Variants in ZFHX3 observed in about 807,000 individuals in gnomAD.
ZFHX3 encodes the protein zinc finger homeobox 3, also known as zinc finger homeobox protein 3.
In ZFHX3, 42 loss-of-function variants were observed where a neutral mutation model predicts 279.1. The observed-to-expected ratio is 0.15, with a 90% confidence interval of 0.12 to 0.19. The LOEUF (loss-of-function observed/expected upper bound fraction) is 0.19, where lower values mean the gene tolerates loss of function less well. Ranked by LOEUF, ZFHX3 falls within the 10% of genes least tolerant of loss-of-function variation. ZFHX3 has a pLI of 1.00. For synonymous variants in ZFHX3, 2,293 were observed against 1,957.8 expected, an observed-to-expected ratio of 1.17 and a Z score of -4.52; for missense variants, 4,981 against 4,754.0, an observed-to-expected ratio of 1.05 and a Z score of -1.40.
chr16:73,528,785 T>C lies in ZFHX3; in HGVS notation c.-1546-72527A>G, dbSNP rs116647391. 6.3e-3 allele frequency among the ~76,000 whole-genome samples: 967 copies of C among 152,356 alleles called. 11 individuals carry two copies. Among genetic ancestry groups the C allele is most frequent in the African/African-American group, 0.022 (918 of 41,578 alleles). On this transcript the variant is annotated intron_variant, in intron 2 of 17. Coordinates refer to the ZFHX3 transcript ENST00000641206. ...GAAGCACAGTATCAGGATGGAGTTA[T>C]GGTCTGTAGCCAGAGAACCAAGGTA...
At chr16:73,067,227 C>T (rs534374773) in intron 8 of ZFHX3, among the ~76,000 whole-genome samples, 4 of 152,274 alleles carry the variant, frequency 2.6e-5, no homozygotes, top group South Asian at 2.1e-4. Flanking sequence ...AGATTTGAGC[C>T]GACCCCTCTT....
At chr16:73,644,771 A>T (rs2052603756) in intron 2 of ZFHX3, among the ~76,000 whole-genome samples, 1 of 151,810 alleles carries the variant, frequency 6.6e-6, no homozygotes, top group African/African-American at 2.4e-5. Flanking sequence ...AGCACCCTCA[A>T]CTCCTCCAAA....
At chr16:73,220,516 A>G (rs889619891) in intron 5 of ZFHX3, among the ~76,000 whole-genome samples, 5 of 152,208 alleles carry the variant, frequency 3.3e-5, no homozygotes, top group East Asian at 1.9e-4. Flanking sequence ...AGGCCTTCTC[A>G]GAGGCTTTAA....
intron 3 of ZFHX3, among the ~76,000 whole-genome samples, chr16:73,360,029 C>T (rs2016410073): frequency 1.3e-5 from 2 of 152,100 alleles, no homozygotes. Context: ...GAGTGCACAG[C>T]TTTGAAGGCA....
At chr16:72,811,502 A>C in intron 7 of ZFHX3, 75 bp downstream of exon 7, 1 of 1,364,196 alleles carries the variant, frequency 7.3e-7, no homozygotes, top group Non-Finnish European at 9.9e-7. Flanking sequence ...CCAATAATAC[A>C]GTATCTTGCC....
intron 2 of ZFHX3, among the ~76,000 whole-genome samples, chr16:73,591,692 C>CAAAAA (rs57402211): frequency 0.016 from 531 of 32,812 alleles, 2 homozygotes; most frequent in Non-Finnish European, 0.019. Context: ...GACTCTGTCT[C>CAAAAA]AAAAAAAAAA....
At chr16:73,100,658 C>T (rs1007008604) in intron 7 of ZFHX3, among the ~76,000 whole-genome samples, 3 of 151,806 alleles carry the variant, frequency 2.0e-5, no homozygotes, top group Non-Finnish European at 4.4e-5. Context: ...TGCCTCACTA[C>T]CACCTCTGCC....
intron 3 of ZFHX3, among the ~76,000 whole-genome samples, chr16:73,346,543 C>T (rs2016127257): frequency 6.6e-6 from 1 of 151,920 alleles, no homozygotes; most frequent in East Asian, 1.9e-4. Context: ...GCGATCTCGG[C>T]TCACTGCAAC....
intron 2 of ZFHX3, among the ~76,000 whole-genome samples, chr16:73,557,354 G>T (rs551135148): frequency 1.3e-5 from 2 of 152,242 alleles, no homozygotes; most frequent in African/African-American, 4.8e-5. Context: ...TCCGGACCCA[G>T]ACCTCAAGAG....
chr16:73,778,936 A>G (rs932214501), intron 1 of ZFHX3, among the ~76,000 whole-genome samples: 1 of 152,232 alleles, frequency 6.6e-6, no homozygotes, highest in Non-Finnish European at 1.5e-5. Flanking sequence ...TAAGTTTCTA[A>G]ATGGAAAATG....
intron 1 of ZFHX3, among the ~76,000 whole-genome samples, chr16:73,766,954 G>C (rs1158182343): frequency 7.8e-6 from 1 of 128,242 alleles, no homozygotes; most frequent in Non-Finnish European, 1.6e-5. Context: ...TTTTTTTTCC[G>C]AGATGGAGTC....
In ZFHX3 at chr16:72,958,677, CCCTCGTCTTCCTCCT is replaced by C. The variant is rs750921377; in HGVS notation, c.1454_1468del (p.Glu485_Glu489del). 1.1e-5 allele frequency: 18 copies of C among 1,611,186 alleles called. No homozygotes were observed. The East Asian group carries it at 3.8e-4, about 34-fold the overall frequency. The stretch of plus-strand genomic sequence containing the variant: ...CTCGCTTGGAAAGAGTCCTTTGCAA[CCCTCGTCTTCCTCCT>C]CCTCTTCTTCCTCCTCCTCTTCTTC... On this transcript the variant is annotated inframe_deletion, in exon 2 of 10. Coordinates refer to ENST00000268489, the MANE Select transcript of ZFHX3 (RefSeq NM_006885.4).
rs1961226510 is a variant in ZFHX3 at position 72,955,794 on chromosome 16, A to AC, written c.2719+1632_2719+1633insG. On this transcript the variant is annotated intron_variant, in intron 2 of 9. Coordinates refer to ENST00000268489, the MANE Select transcript of ZFHX3 (RefSeq NM_006885.4). The stretch of plus-strand genomic sequence containing the variant: ...TCTGTCTCAAAAAAAAAAAAAAAAA[A>AC]ACCCTCACTTTGACCCAACATGAAC... Among the ~76,000 whole-genome samples the AC allele has an allele frequency of 4.0e-5, 6 of 151,634 alleles. No homozygotes were observed. The East Asian group carries it at 1.2e-3, about 29-fold the overall frequency.
chr16:72,960,393 G>T (rs985637499), intron 1 of ZFHX3, among the ~76,000 whole-genome samples, 199 bp from the exon 2 acceptor site: 1 of 152,160 alleles, frequency 6.6e-6, no homozygotes, highest in Admixed American at 6.5e-5. Context: ...TGGCATGGCC[G>T]GGTCAACAGC....
At chr16:73,779,251 A>C (rs1959368692) in intron 1 of ZFHX3, among the ~76,000 whole-genome samples, 1 of 152,192 alleles carries the variant, frequency 6.6e-6, no homozygotes, top group African/African-American at 2.4e-5. Context: ...ACATTCAAAG[A>C]CCACCACAGT....
At chr16:73,769,484 C>T (rs898988574) in intron 1 of ZFHX3, among the ~76,000 whole-genome samples, 1 of 152,010 alleles carries the variant, frequency 6.6e-6, no homozygotes, top group Non-Finnish European at 1.5e-5. Flanking sequence ...TTAATAGTAC[C>T]ATGCTACCAT....
intron 8 of ZFHX3, among the ~76,000 whole-genome samples, chr16:73,084,114 C>T (rs950031634): frequency 1.3e-5 from 2 of 152,206 alleles, no homozygotes; most frequent in Non-Finnish European, 2.9e-5. Context: ...AAGGAATTAT[C>T]TGGCTCAAAA....
chr16:73,091,539 T>C (rs1488355041), intron 8 of ZFHX3, among the ~76,000 whole-genome samples: 1 of 152,156 alleles, frequency 6.6e-6, no homozygotes. Context: ...TGTCAAATGG[T>C]CCCTAGCATC....
At chr16:73,632,258 T>C (rs996623323) in intron 2 of ZFHX3, among the ~76,000 whole-genome samples, 1 of 152,140 alleles carries the variant, frequency 6.6e-6, no homozygotes, top group Non-Finnish European at 1.5e-5. Context: ...ACCCTTGAAG[T>C]GGTTATATTA....
Sources: allele counts gnomAD v4.1 joint callset (sites outside exome capture counted in the v4.1 genomes callset), GRCh38; gene constraint gnomAD v4.1.1; transcripts MANE v1.5; gene names NCBI Gene and HGNC (gene_info 2026-07-23, HGNC 2026-07-21).